The following MCTP2 variants were observed in gnomAD, a reference collection of about 807,000 sequenced individuals.
MCTP2 encodes the protein multiple C2 and transmembrane domain containing 2.
A neutral mutation model predicts 111.6 loss-of-function variants in MCTP2; 132 were observed. That is an observed-to-expected ratio of 1.18 (90% CI 1.03 to 1.37). MCTP2 has a LOEUF of 1.37. MCTP2 is among the 40% of genes most tolerant of loss of function. MCTP2 has a pLI of 0.00. For synonymous variants in MCTP2, 395 were observed against 387.7 expected, an observed-to-expected ratio of 1.02 and a Z score of -0.22; for missense variants, 1,183 against 1,067.9, an observed-to-expected ratio of 1.11 and a Z score of -1.50.
At chr15:94,357,037 C>G (rs1345236194) in intron 9 of MCTP2, among the ~76,000 whole-genome samples, 5 of 151,792 alleles carry the variant, frequency 3.3e-5, no homozygotes, top group African/African-American at 1.2e-4. Context: ...AAATCACTTG[C>G]CAAAAGCCAC....
chr15:94,285,793 A>G (rs2074724218), intron 1 of MCTP2, among the ~76,000 whole-genome samples: 1 of 152,126 alleles, frequency 6.6e-6, no homozygotes, highest in African/African-American at 2.4e-5. Flanking sequence ...AATGACTGAG[A>G]TTTCTAGGGG....
chr15:94,393,966 C>T (rs147210056), intron 14 of MCTP2, among the ~76,000 whole-genome samples: 274 of 141,956 alleles, frequency 1.9e-3, no homozygotes, highest in African/African-American at 7.0e-3. Context: ...AGGACAATCA[C>T]TTGAACTCAG....
At chr15:94,318,084 T>A (rs2076453785) in intron 4 of MCTP2, among the ~76,000 whole-genome samples, 1 of 152,072 alleles carries the variant, frequency 6.6e-6, no homozygotes, top group East Asian at 1.9e-4. Context: ...ATATCCTGAT[T>A]CTTACCCTGA....
intron 18 of MCTP2, among the ~76,000 whole-genome samples, chr15:94,442,137 C>T (rs992653679): frequency 1.3e-5 from 2 of 152,214 alleles, no homozygotes; most frequent in African/African-American, 4.8e-5. Flanking sequence ...AGCAGAAATG[C>T]AAGTGTTCAA....
At chr15:94,434,567 T>G (rs1174654315) in intron 17 of MCTP2, among the ~76,000 whole-genome samples, 1 of 151,970 alleles carries the variant, frequency 6.6e-6, no homozygotes, top group African/African-American at 2.4e-5. Flanking sequence ...GAGTAGGTGA[T>G]TTTTTTTCCC....
chr15:94,279,488 G>C (rs2074373537), intron 1 of MCTP2, among the ~76,000 whole-genome samples: 1 of 151,792 alleles, frequency 6.6e-6, no homozygotes, highest in East Asian at 1.9e-4. Context: ...AAATTTACTT[G>C]TTTATCAATT....
At chr15:94,476,639 GATAGA>G in intron 21 of MCTP2, 52 bp from the exon 22 acceptor site, 1 of 887,092 alleles carries the variant, frequency 1.1e-6, no homozygotes, top group South Asian at 1.4e-5. Context: ...TAGATAGATA[GATAGA>G]TAGATAGACA....
chr15:94,342,776 A>C (rs994454296), intron 7 of MCTP2: 3 of 151,048 alleles, frequency 2.0e-5, no homozygotes, highest in African/African-American at 7.3e-5. Context: ...ATATATATAC[A>C]CACACATACA....
At chr15:94,237,699 A>G (rs2070669571) in intron 1 of MCTP2, among the ~76,000 whole-genome samples, 1 of 152,178 alleles carries the variant, frequency 6.6e-6, no homozygotes, top group Non-Finnish European at 1.5e-5. Context: ...TCTGTAAAGA[A>G]TCTCTATTAA....
intron 4 of MCTP2, among the ~76,000 whole-genome samples, chr15:94,329,507 G>A (rs998660108): frequency 6.6e-6 from 1 of 152,112 alleles, no homozygotes. Context: ...CATGTCACAT[G>A]GTCAGAGCAG....
At chr15:94,253,463 G>C (rs1449253264) in intron 1 of MCTP2, among the ~76,000 whole-genome samples, 1 of 152,094 alleles carries the variant, frequency 6.6e-6, no homozygotes, top group African/African-American at 2.4e-5. Flanking sequence ...ACAAAATTCA[G>C]CTTCTCAGTC....
intron 20 of MCTP2, among the ~76,000 whole-genome samples, chr15:94,469,119 T>G (rs1000690013): frequency 6.6e-6 from 1 of 152,210 alleles, no homozygotes; most frequent in Non-Finnish European, 1.5e-5. Flanking sequence ...TATAAAATGC[T>G]TAATAACTTT....
intron 2 of MCTP2, among the ~76,000 whole-genome samples, chr15:94,299,809 G>C (rs1013519897): frequency 6.6e-6 from 1 of 152,188 alleles, no homozygotes; most frequent in Non-Finnish European, 1.5e-5. Flanking sequence ...CTTATTCCAT[G>C]TATCAGGGTT....
chr15:94,232,091 C>G (rs1420766468), intron 1 of MCTP2: 1 of 152,146 alleles, frequency 6.6e-6, no homozygotes, highest in Admixed American at 6.5e-5. Flanking sequence ...CTGACATTTG[C>G]TCAACGACAC....
chr15:94,256,043 G>A (rs2072743958), intron 1 of MCTP2, among the ~76,000 whole-genome samples: 1 of 152,050 alleles, frequency 6.6e-6, no homozygotes, highest in Admixed American at 6.5e-5. Context: ...ACATCTGTAG[G>A]CTGAAAATCC....
At chr15:94,346,711 T>C (rs1412017265) in intron 8 of MCTP2, among the ~76,000 whole-genome samples, 2 of 152,084 alleles carry the variant, frequency 1.3e-5, no homozygotes, top group Non-Finnish European at 2.9e-5. Flanking sequence ...GAAAGAAAGA[T>C]TGTGAGCCTG....
chr15:94,393,194 C>T (rs1381710622), intron 14 of MCTP2, among the ~76,000 whole-genome samples: 1 of 152,008 alleles, frequency 6.6e-6, no homozygotes, highest in African/African-American at 2.4e-5. Context: ...AGATTCGTGA[C>T]TATACACAAC....
chr15:94,263,662 G>A (rs2073335662), intron 1 of MCTP2, among the ~76,000 whole-genome samples: 1 of 152,216 alleles, frequency 6.6e-6, no homozygotes, highest in South Asian at 2.1e-4. Context: ...AGCACAAAGA[G>A]ATGAAAAACA....
chr15:94,301,281 A>AC (rs766145701), intron 2 of MCTP2, among the ~76,000 whole-genome samples: 7 of 151,810 alleles, frequency 4.6e-5, no homozygotes, highest in Non-Finnish European at 8.8e-5. Flanking sequence ...GGCTGATCAG[A>AC]CCCCTAGGAT....
Sources: gnomAD v4.1 joint callset for allele counts (sites outside exome capture counted in the v4.1 genomes callset) on GRCh38, gnomAD v4.1.1 for gene constraint, MANE v1.5 for transcripts, NCBI Gene and HGNC (gene_info 2026-07-23, HGNC 2026-07-21) for gene names.